UNC80: variants seen among roughly 807,000 people sequenced by gnomAD.
The protein encoded by UNC80 is protein unc-80 homolog.
A neutral mutation model predicts 384.6 loss-of-function variants in UNC80; 164 were observed. The observed-to-expected ratio is 0.43, with a 90% CI of 0.38 to 0.49. The LOEUF (loss-of-function observed/expected upper bound fraction) is 0.49. Ranked by LOEUF, UNC80 falls within the 20% of genes least tolerant of loss-of-function variation. The pLI is 0.00. For missense variants in UNC80, 3,330 were observed against 4,143.0 expected (o/e 0.80, Z 5.39); for synonymous variants, 1,486 against 1,527.8 (o/e 0.97, Z 0.64).
Position 209,912,551 on chromosome 2 carries a change from T to C in UNC80, c.4783-9T>C. 6.5e-7 allele frequency: 1 copy of C among 1,539,150 alleles called. No homozygotes were observed. The highest frequency in any genetic ancestry group is 8.8e-7 in the Non-Finnish European group (1 of 1,136,826). On this transcript the variant is annotated splice_polypyrimidine_tract_variant and intron_variant, in intron 29 of 64. Coordinates refer to ENST00000673920, the MANE Select transcript of UNC80 (RefSeq NM_001371986.1). ...ATCACTCTTCATTACATATCCCTGG[T>C]CTTTTCAGTGCTCAGATAAGTCATG...
Position 209,813,647 on chromosome 2 carries a change from C to G in UNC80, c.1006C>G (p.Arg336Gly). The part of the protein sequence containing the change: ...YATYFDVAVL[R>G]CLLQPHWSEE... ...CACCTACTTTGACGTTGCTGTTCTG[C>G]GCTGCCTACTTCAGCCCCATTGGTC... Residue 336 changes from arginine to glycine, a missense_variant, in exon 8 of 65, where the codon CGC becomes GGC. Around this residue, in one of 8 missense-constraint regions of UNC80, gnomAD observed 937 missense variants for 1,026.8 expected, o/e 0.91. Transcript: ENST00000673920. 1.9e-6 allele frequency: 3 copies of G among 1,551,796 alleles called. No individual in the cohort carries two copies. The highest frequency in any genetic ancestry group is 2.6e-6 in the Non-Finnish European group (3 of 1,147,014).
chr2:209,907,930 C>G (rs1431761109), intron 29 of UNC80, among the ~76,000 whole-genome samples: 1 of 152,188 alleles, frequency 6.6e-6, no homozygotes, highest in Non-Finnish European at 1.5e-5. Flanking sequence ...TCTGCTATTG[C>G]TTACATTTCT....
At chr2:209,784,704 C>G (rs1393970606) in intron 4 of UNC80, among the ~76,000 whole-genome samples, 1 of 152,244 alleles carries the variant, frequency 6.6e-6, no homozygotes, top group South Asian at 2.1e-4. Flanking sequence ...CACTTCCTCT[C>G]TGCACTACGA....
At chr2:209,937,018 A>T in intron 41 of UNC80, 85 bp downstream of exon 41, 3 of 926,534 alleles carry the variant, frequency 3.2e-6, no homozygotes, top group Non-Finnish European at 5.1e-6. Context: ...TCAGGGAGGC[A>T]TCGCTGTTTA....
chr2:209,963,180 A>G (rs2092646401), intron 51 of UNC80, among the ~76,000 whole-genome samples: 1 of 152,224 alleles, frequency 6.6e-6, no homozygotes, highest in South Asian at 2.1e-4. Flanking sequence ...AAGCAGCTGG[A>G]TAATAGAATC....
At chr2:209,894,016 C>A (rs2086587967) in intron 26 of UNC80, 147 bp from the exon 27 acceptor site, 1 of 351,802 alleles carries the variant, frequency 2.8e-6, no homozygotes, top group Non-Finnish European at 4.0e-6. Flanking sequence ...TCCTGCAGGA[C>A]TGGGGGCTTG....
intron 23 of UNC80, 40 bp downstream of exon 23, chr2:209,873,010 A>G: frequency 6.6e-7 from 1 of 1,525,276 alleles, no homozygotes. Flanking sequence ...TAGGTTGCTT[A>G]AGTGAAGTGG....
chr2:209,813,591 T>C lies in UNC80; in HGVS notation c.950T>C (p.Val317Ala), dbSNP rs1328151749. 5 of 1,551,286 alleles carry C rather than the reference T, an allele frequency of 3.2e-6. No individual in the cohort carries two copies. In the Admixed American group the frequency reaches 5.9e-5, roughly 18 times the overall value. ...RGPSHSRASL[V>A]IPPCQRSRYA... ...CTGCCATGGAACAGGGCCTCTCTTG[T>C]GATACCTCCGTGCCAAAGGTCCCGC... The change falls in exon 8 of 65, where the codon GTG (valine) becomes GCG (alanine). Residue 317 changes from valine to alanine, a missense_variant. Around this residue, in one of 8 missense-constraint regions of UNC80, gnomAD observed 937 missense variants for 1,026.8 expected, o/e 0.91. Transcript: ENST00000673920.
chr2:209,968,025 A>G (rs2092785443), intron 52 of UNC80: 1 of 154,310 alleles, frequency 6.5e-6, no homozygotes, highest in African/African-American at 2.4e-5. Flanking sequence ...TAACATAGCT[A>G]GTTAACATAT....
In UNC80 at chr2:209,939,671, T is replaced by G. The variant is rs74526281; in HGVS notation, c.6646+19T>G. The G allele has an allele frequency of 9.7e-5, 147 of 1,523,016 alleles. No homozygotes were observed. The highest frequency in any genetic ancestry group is 1.2e-4 in the Non-Finnish European group (138 of 1,131,846). 94.3% of individuals were successfully genotyped at this position (1,523,016 alleles called of 1,614,324 possible). ...CCTCAAGGTATCAAACAAAGAAACATTGCCTCTCTGGGGCTTTTTCTAACA... is the reference window on the plus strand; with the variant it reads ...CCTCAAGGTATCAAACAAAGAAACAGTGCCTCTCTGGGGCTTTTTCTAACA... On this transcript the variant is annotated intron_variant, in intron 43 of 64. Coordinates refer to ENST00000673920, the MANE Select transcript of UNC80 (RefSeq NM_001371986.1).
intron 22 of UNC80, among the ~76,000 whole-genome samples, chr2:209,864,023 G>A (rs2083528721): frequency 6.6e-6 from 1 of 151,068 alleles, no homozygotes; most frequent in African/African-American, 2.5e-5. Flanking sequence ...TTTTTGTGGG[G>A]GCTTTTGTGT....
At chr2:209,922,439 T>C (rs965990504) in intron 35 of UNC80, 56 bp downstream of exon 35, 1 of 1,509,266 alleles carries the variant, frequency 6.6e-7, no homozygotes, top group African/African-American at 1.4e-5. Context: ...TGAAACACTT[T>C]CCAGTTAATA....
chr2:209,935,139 G>A (rs10200921), intron 39 of UNC80, among the ~76,000 whole-genome samples: 22,657 of 152,126 alleles, frequency 0.15, 1,753 homozygotes, highest in East Asian at 0.25. Flanking sequence ...ACCTCATCTA[G>A]AAAACAGGGA....
At chr2:209,901,973 C>T (rs1355014493) in intron 28 of UNC80, among the ~76,000 whole-genome samples, 1 of 151,716 alleles carries the variant, frequency 6.6e-6, no homozygotes, top group Non-Finnish European at 1.5e-5. Context: ...GCTGCCACCA[C>T]AGACAGTTAT....
intron 4 of UNC80, among the ~76,000 whole-genome samples, chr2:209,781,724 C>G (rs138199116): frequency 6.6e-6 from 1 of 152,302 alleles, no homozygotes; most frequent in Non-Finnish European, 1.5e-5. Flanking sequence ...AAGACTTCCT[C>G]TGACTTCATT....
intron 25 of UNC80, among the ~76,000 whole-genome samples, chr2:209,882,329 G>T (rs2085374360): frequency 6.6e-6 from 1 of 152,148 alleles, no homozygotes; most frequent in South Asian, 2.1e-4. Flanking sequence ...AGGCCAGGCG[G>T]TGTGGGGAGA....
At chr2:209,885,288 C>T (rs1215080363) in intron 25 of UNC80, among the ~76,000 whole-genome samples, 1 of 152,138 alleles carries the variant, frequency 6.6e-6, no homozygotes, top group East Asian at 1.9e-4. Flanking sequence ...CAAAAAATTA[C>T]TTTCTGAAGC....
At chr2:209,917,734 A>G (rs1024759122) in intron 31 of UNC80, 43 bp from the exon 32 acceptor site, 4 of 1,547,030 alleles carry the variant, frequency 2.6e-6, no homozygotes, top group Non-Finnish European at 3.5e-6. Context: ...GGAACTAAGC[A>G]ATATTTTAAA....
chr2:209,958,627 A>T (rs2092490565), intron 49 of UNC80, among the ~76,000 whole-genome samples: 1 of 152,214 alleles, frequency 6.6e-6, no homozygotes, highest in African/African-American at 2.4e-5. Context: ...AGCTTAAGTG[A>T]TATTTAGGGA....
Sources: allele counts gnomAD v4.1 joint callset (sites outside exome capture counted in the v4.1 genomes callset), GRCh38; gene constraint gnomAD v4.1.1; regional missense constraint gnomAD v4.1.1; transcripts MANE v1.5; gene names NCBI Gene and HGNC (gene_info 2026-07-23, HGNC 2026-07-21).